The following COL4A2 variants were observed in gnomAD, a reference collection of about 807,000 sequenced individuals.
COL4A2 encodes collagen type IV alpha 2 chain.
Under a neutral mutation model 200.2 loss-of-function variants are expected in COL4A2, and 99 were observed. The observed-to-expected ratio is 0.49, with a 90% CI of 0.42 to 0.58. The LOEUF is 0.58. Ranked by LOEUF, COL4A2 falls within the 20% of genes least tolerant of loss-of-function variation. The pLI is 0.00. For synonymous variants in COL4A2, 897 were observed against 900.6 expected (o/e 1.00, Z 0.07); for missense variants, 1,950 against 2,314.1 (o/e 0.84, Z 3.23).
At chr13:110,487,307 A>G (rs566922842) in intron 34 of COL4A2, among the ~76,000 whole-genome samples, 2 of 152,162 alleles carry the variant, frequency 1.3e-5, no homozygotes, top group Non-Finnish European at 2.9e-5. Flanking sequence ...TAAAAAATTA[A>G]CCGGGTTTGG....
At chr13:110,410,047 T>C (rs924595483) in intron 4 of COL4A2, among the ~76,000 whole-genome samples, 1 of 152,194 alleles carries the variant, frequency 6.6e-6, no homozygotes, top group African/African-American at 2.4e-5. Flanking sequence ...AGTAGCTTTG[T>C]ACAAGTTCCT....
intron 15 of COL4A2, 74 bp downstream of exon 15, chr13:110,438,742 T>C: frequency 6.3e-7 from 1 of 1,593,556 alleles, no homozygotes; most frequent in South Asian, 1.1e-5. Flanking sequence ...TTTTTAGAGC[T>C]GTTTCAGATT....
At chr13:110,467,206 A>G in intron 27 of COL4A2, 110 bp downstream of exon 27, 4 of 1,406,414 alleles carry the variant, frequency 2.8e-6, no homozygotes, top group Non-Finnish European at 3.9e-6. Flanking sequence ...CACCCCAGAC[A>G]TGGTCGTGTC....
intron 20 of COL4A2, among the ~76,000 whole-genome samples, chr13:110,452,312 G>A (rs1479083172): frequency 6.6e-6 from 1 of 150,788 alleles, no homozygotes; most frequent in Non-Finnish European, 1.5e-5. Context: ...ACAGGCGCCC[G>A]CCCTCACGCC....
chr13:110,458,765 C>T lies in COL4A2; in HGVS notation c.1433-6C>T, dbSNP rs1163508947. 2.5e-6 allele frequency: 4 copies of T among 1,614,038 alleles called. No homozygotes were observed. In the Admixed American group the frequency reaches 5.0e-5, roughly 20 times the overall value. ...ACAAGGAGGCCCTCCTCTCCCTCCTCTGCAGGTGACGCTGGGGAATGCAGA... is the reference window on the plus strand; with the variant it reads ...ACAAGGAGGCCCTCCTCTCCCTCCTTTGCAGGTGACGCTGGGGAATGCAGA... On this transcript the variant is annotated splice_polypyrimidine_tract_variant and splice_region_variant and intron_variant, in intron 21 of 47. Transcript: ENST00000360467.
chr13:110,415,329 T>C (rs1015416321), intron 4 of COL4A2, among the ~76,000 whole-genome samples: 1 of 152,012 alleles, frequency 6.6e-6, no homozygotes, highest in African/African-American at 2.4e-5. Flanking sequence ...GAAGTCAAAA[T>C]AAAATTAACA....
intron 3 of COL4A2, chr13:110,328,516 T>C (rs1403544399): frequency 1.3e-5 from 2 of 152,240 alleles, no homozygotes; most frequent in Non-Finnish European, 2.9e-5. Context: ...CTTGGTTTCA[T>C]GAAATATGAA....
chr13:110,337,312 GGAAT>G (rs1011059944), intron 3 of COL4A2, among the ~76,000 whole-genome samples: 1 of 152,214 alleles, frequency 6.6e-6, no homozygotes. Flanking sequence ...CCTGCTGTTT[GGAAT>G]CATAAACGTA....
At chr13:110,311,989 C>A (rs2131936) in intron 3 of COL4A2, among the ~76,000 whole-genome samples, 63,704 of 152,128 alleles carry the variant, frequency 0.42, 14,114 homozygotes, top group East Asian at 0.77. Flanking sequence ...GTCCTTTCCG[C>A]AGGCTTTGGT....
chr13:110,426,747 C>A (rs1371204710), intron 6 of COL4A2, among the ~76,000 whole-genome samples: 1 of 152,176 alleles, frequency 6.6e-6, no homozygotes, highest in Admixed American at 6.5e-5. Flanking sequence ...GTAAGAAAGA[C>A]CAACGGCAGA....
At chr13:110,476,419 ACCT>A (rs1414177775) in intron 29 of COL4A2, among the ~76,000 whole-genome samples, 1 of 152,200 alleles carries the variant, frequency 6.6e-6, no homozygotes, top group Non-Finnish European at 1.5e-5. Context: ...CTCATTTCAG[ACCT>A]CGGCTTCGAG....
intron 4 of COL4A2, among the ~76,000 whole-genome samples, chr13:110,359,712 C>G (rs1877435668): frequency 6.6e-6 from 1 of 152,178 alleles, no homozygotes. Flanking sequence ...TCTCCTGTGT[C>G]CCCTCCACAA....
At chr13:110,377,913 C>G (rs1878305403) in intron 4 of COL4A2, among the ~76,000 whole-genome samples, 1 of 152,098 alleles carries the variant, frequency 6.6e-6, no homozygotes, top group Non-Finnish European at 1.5e-5. Flanking sequence ...AGTATACTGT[C>G]AAAATGTTTC....
At chr13:110,412,179 T>C (rs1536622) in intron 4 of COL4A2, among the ~76,000 whole-genome samples, 124,776 of 152,194 alleles carry the variant, frequency 0.82, 51,518 homozygotes, top group Non-Finnish European at 0.88. Flanking sequence ...CAATCAGTGA[T>C]TGAGTTTGTT....
At chr13:110,436,483 G>C in intron 13 of COL4A2, 116 bp downstream of exon 13, 1 of 1,351,530 alleles carries the variant, frequency 7.4e-7, no homozygotes, top group Non-Finnish European at 9.8e-7. Flanking sequence ...CACCAACTTG[G>C]CACATTACCC....
At position 110,438,665 on chromosome 13, in the gene COL4A2, G is replaced by A. The variant is rs781265159; in HGVS notation, c.909G>A (p.Leu303=). The change falls in exon 15 of 48, where the codon CTG becomes CTA. Residue 303 remains leucine (L), a synonymous_variant. Coordinates refer to ENST00000360467, the MANE Select transcript of COL4A2 (RefSeq NM_001846.4). ...GEEGIMGFPG[L]RGYPGLSGEK... ...AAGGAATCATGGGCTTTCCTGGACT[G>A]AGGGTAAACCACGCCTTTTATAACT... The A allele has an allele frequency of 6.2e-7, 1 of 1,614,218 alleles. No homozygotes were observed. Among genetic ancestry groups the A allele is most frequent in the Non-Finnish European group, 8.5e-7 (1 of 1,180,032 alleles).
At chr13:110,323,983 G>T (rs1469599485) in intron 3 of COL4A2, among the ~76,000 whole-genome samples, 1 of 152,220 alleles carries the variant, frequency 6.6e-6, no homozygotes, top group Non-Finnish European at 1.5e-5. Context: ...GGTTTCACTT[G>T]ATTTGAATTA....
chr13:110,397,231 G>A (rs1879211121), intron 4 of COL4A2, among the ~76,000 whole-genome samples: 1 of 152,236 alleles, frequency 6.6e-6, no homozygotes, highest in Non-Finnish European at 1.5e-5. Flanking sequence ...AAATGCGTCA[G>A]AACAGTCTTG....
intron 29 of COL4A2, among the ~76,000 whole-genome samples, chr13:110,476,465 C>A (rs1882708493): frequency 6.6e-6 from 1 of 152,380 alleles, no homozygotes; most frequent in East Asian, 1.9e-4. Flanking sequence ...CTCTTCCTCG[C>A]TGCAGGTTGA....
Sources: allele counts gnomAD v4.1 joint callset (sites outside exome capture counted in the v4.1 genomes callset), GRCh38; gene constraint gnomAD v4.1.1; transcripts MANE v1.5; gene names NCBI Gene and HGNC (gene_info 2026-07-23, HGNC 2026-07-21).